The following ZNF19 variants were observed in gnomAD, a reference collection of about 807,000 sequenced individuals.
ZNF19 encodes zinc finger protein 19 (KOX 12).
A neutral mutation model predicts 13.1 loss-of-function variants in ZNF19; 11 were observed. That is an observed-to-expected ratio of 0.84 (90% confidence interval 0.53 to 1.39). The LOEUF is 1.39. Ranked by LOEUF, ZNF19 falls within the 40% of genes most tolerant of loss-of-function variation. The probability of loss-of-function intolerance (pLI) is 0.00; values close to 1 mark genes in which losing one functional copy is unlikely to be tolerated. For synonymous variants in ZNF19, 186 were observed against 187.0 expected, an observed-to-expected ratio of 0.99 and a Z score of 0.04; for missense variants, 560 against 547.0, an observed-to-expected ratio of 1.02 and a Z score of -0.24.
chr16:71,476,619 T>C (rs2043604501), intron 5 of ZNF19, among the ~76,000 whole-genome samples: 2 of 152,316 alleles, frequency 1.3e-5, no homozygotes, highest in African/African-American at 2.4e-5. Flanking sequence ...GAACAAGTAG[T>C]GACATCGGGG....
rs766112653 is a variant in ZNF19, at chr16:71,476,064, G to C, written c.483C>G (p.Phe161Leu). Residue 161 changes from phenylalanine to leucine, a missense_variant, in exon 6 of 6, where the codon TTC becomes TTG. Coordinates refer to ENST00000288177, the MANE Select transcript of ZNF19 (RefSeq NM_006961.4). ...AGGATTTCCCACACTCCTCACATAT[G>C]AAAGGTTTCCTTGCACAGGGGATTC... ...VPRIPCARKP[F>L]ICEECGKSFS... 6.2e-6 allele frequency: 10 copies of C among 1,614,166 alleles called. No homozygotes were observed. The South Asian group carries it at 9.9e-5, about 16-fold the overall frequency.
At chr16:71,478,064 G>C in intron 5 of ZNF19, 164 bp downstream of exon 5, 1 of 598,982 alleles carries the variant, frequency 1.7e-6, no homozygotes, top group South Asian at 2.0e-5. Context: ...GACGTACTGA[G>C]TGATTACATG....
chr16:71,480,555 G>T (rs573004849), intron 3 of ZNF19, among the ~76,000 whole-genome samples: 3 of 152,222 alleles, frequency 2.0e-5, no homozygotes, highest in African/African-American at 4.8e-5. Context: ...TATTACCTAC[G>T]TTATTTCTGG....
chr16:71,475,555 CAAG>C lies in ZNF19; in HGVS notation c.989_991del (p.Ser330del). On this transcript the variant is annotated inframe_deletion, in exon 6 of 6. Transcript: ENST00000288177. ...ATTGAAGGCTTGTCCACATACTTTA[CAAG>C]AATAAGGCTTTTCCCCTGTGTGAAT... is the stretch of plus-strand genomic sequence containing the variant. The C allele has an allele frequency of 1.9e-6, 3 of 1,614,114 alleles. No homozygotes were observed. The highest frequency in any genetic ancestry group is 2.5e-6 in the Non-Finnish European group (3 of 1,180,018).
At chr16:71,484,847 G>T in intron 1 of ZNF19, 99 bp from the exon 2 acceptor site, 1 of 496,054 alleles carries the variant, frequency 2.0e-6, no homozygotes, top group Non-Finnish European at 2.6e-6. Context: ...AGTATCAGCC[G>T]TATCTGTGAC....
chr16:71,474,281 A>C lies in ZNF19; in HGVS notation c.*889T>G, dbSNP rs1294212852. 1 of 152,262 alleles carries C rather than the reference A, an allele frequency of 6.6e-6. No individual in the cohort carries two copies. Among genetic ancestry groups the C allele is most frequent in the Non-Finnish European group, 1.5e-5 (1 of 68,050 alleles). 9.4% of individuals were successfully genotyped at this position (152,262 alleles called of 1,614,324 possible). On this transcript the variant is annotated 3_prime_UTR_variant, in exon 6 of 6. Transcript: ENST00000288177. Reference sequence around the variant, plus strand: ...GTGCTGTCCTAGGAATTAAAATGGCAAATACCAAGATATAATAGCTACAAT... The same window carrying C: ...GTGCTGTCCTAGGAATTAAAATGGCCAATACCAAGATATAATAGCTACAAT...
At chr16:71,486,083 T>G (rs2043675987) in intron 1 of ZNF19, among the ~76,000 whole-genome samples, 1 of 151,402 alleles carries the variant, frequency 6.6e-6, no homozygotes, top group African/African-American at 2.4e-5. Flanking sequence ...GTGGCTCACA[T>G]CTGTAATCCC....
chr16:71,488,930 C>T (rs1291020668), intron 1 of ZNF19: 1 of 152,338 alleles, frequency 6.6e-6, no homozygotes, highest in East Asian at 1.9e-4. Context: ...TGGTTAAAGA[C>T]TTAAGCCGGC....
intron 2 of ZNF19, among the ~76,000 whole-genome samples, chr16:71,482,886 G>C (rs1424456610): frequency 1.3e-5 from 2 of 152,196 alleles, no homozygotes; most frequent in Non-Finnish European, 1.5e-5. Flanking sequence ...AATTTTAGTA[G>C]AGACAGGGTT....
rs199884411 is a variant in ZNF19 at position 71,475,931 on chromosome 16, G to C, written c.616C>G (p.Arg206Gly). ...KAFNGNSSLIRHQRIHTGERP... is the reference protein window; with the variant it reads ...KAFNGNSSLIGHQRIHTGERP... ...TCTCCAGTGTGAATCCTCTGGTGCC[G>C]AATTAACGAAGAATTACCATTAAAG... is the stretch of plus-strand genomic sequence containing the variant. The change falls in exon 6 of 6, where the codon CGG becomes GGG. Residue 206 changes from arginine (R) to glycine (G), a missense_variant. Coordinates refer to ENST00000288177, the MANE Select transcript of ZNF19 (RefSeq NM_006961.4). 6.2e-7 allele frequency: 1 copy of C among 1,613,606 alleles called. No homozygotes were observed. Among genetic ancestry groups the C allele is most frequent in the Admixed American group, 1.7e-5 (1 of 59,964 alleles).
rs1304432136 is a variant in ZNF19, at chr16:71,474,294, T to C, written c.*876A>G. 1.3e-5 allele frequency: 2 copies of C among 152,176 alleles called. No homozygotes were observed. The highest frequency in any genetic ancestry group is 1.3e-4 in the Admixed American group (2 of 15,278). The allele number at this position is 152,176 out of a possible 1,614,324, so 9.4% of individuals were successfully genotyped here. On this transcript the variant is annotated 3_prime_UTR_variant, in exon 6 of 6. Coordinates refer to ENST00000288177, the MANE Select transcript of ZNF19 (RefSeq NM_006961.4). ...AATTAAAATGGCAAATACCAAGATA[T>C]AATAGCTACAATAGCCTGGCATTTC...
intron 1 of ZNF19, 168 bp downstream of exon 1, chr16:71,489,104 G>T: frequency 3.1e-6 from 1 of 321,652 alleles, no homozygotes; most frequent in Non-Finnish European, 4.5e-6. Context: ...GCTTGCAGCT[G>T]TACAGCCTCC....
chr16:71,477,318 A>C (rs971001490), intron 5 of ZNF19, among the ~76,000 whole-genome samples: 6 of 152,222 alleles, frequency 3.9e-5, no homozygotes, highest in African/African-American at 1.4e-4. Context: ...GTGTGAGAAC[A>C]AACCAACAGG....
At chr16:71,483,994 G>C (rs2043655848) in intron 2 of ZNF19, among the ~76,000 whole-genome samples, 1 of 152,238 alleles carries the variant, frequency 6.6e-6, no homozygotes, top group Non-Finnish European at 1.5e-5. Flanking sequence ...ATACGCAAAA[G>C]CCATGTTCTA....
At chr16:71,483,154 G>A (rs1472905915) in intron 2 of ZNF19, among the ~76,000 whole-genome samples, 2 of 152,220 alleles carry the variant, frequency 1.3e-5, no homozygotes, top group African/African-American at 4.8e-5. Context: ...TCCTTTACTT[G>A]GACCTGGAGC....
chr16:71,486,988 T>C (rs970228765), intron 1 of ZNF19: 1 of 151,812 alleles, frequency 6.6e-6, no homozygotes, highest in Non-Finnish European at 1.5e-5. Flanking sequence ...TTGCAGGGAG[T>C]GGAAAGGAAG....
chr16:71,483,636 G>A (rs773323289), intron 2 of ZNF19, among the ~76,000 whole-genome samples: 2 of 152,152 alleles, frequency 1.3e-5, no homozygotes, highest in Non-Finnish European at 2.9e-5. Flanking sequence ...ACCAGGTCAG[G>A]TGTCTCTGTT....
At position 71,475,654 on chromosome 16, in the gene ZNF19, T is replaced by C. The variant is rs1301083030; in HGVS notation, c.893A>G (p.Glu298Gly). ...ACACTCATTACACTCATAGGGTTTC[T>C]CTCCAGTGTGGATTTTCTGATGCCG... The part of the protein sequence containing the change: ...LLRHQKIHTG[E>G]KPYECNECGK... Residue 298 changes from glutamate (E) to glycine (G), a missense_variant, in exon 6 of 6, where the codon GAG becomes GGG. By Grantham distance (98) the Glu-to-Gly change is moderately conservative. Coordinates refer to ENST00000288177, the MANE Select transcript of ZNF19 (RefSeq NM_006961.4). The C allele has an allele frequency of 1.9e-6, 3 of 1,612,748 alleles. No individual in the cohort carries two copies. The highest frequency in any genetic ancestry group is 4.5e-5 in the East Asian group (2 of 44,866).
chr16:71,488,794 C>T (rs2043699805), intron 1 of ZNF19, among the ~76,000 whole-genome samples: 1 of 152,176 alleles, frequency 6.6e-6, no homozygotes. Flanking sequence ...AGCGAGACTT[C>T]GTCTCAAAAA....
Sources: allele counts gnomAD v4.1 joint callset (sites outside exome capture counted in the v4.1 genomes callset), GRCh38; gene constraint gnomAD v4.1.1; transcripts MANE v1.5; gene names NCBI Gene and HGNC (gene_info 2026-07-23, HGNC 2026-07-21).